The following SND1 variants were observed in gnomAD, a reference collection of about 807,000 sequenced individuals.
The protein encoded by SND1 is staphylococcal nuclease domain-containing protein 1.
In SND1, 38 loss-of-function variants were observed where a neutral mutation model predicts 121.7. That is an observed-to-expected ratio of 0.31 (90% CI 0.24 to 0.41). The LOEUF is 0.41. Among genes scored for constraint, SND1 ranks in the 10% least tolerant of loss-of-function variants. The pLI is 1.00. For missense variants in SND1, 868 were observed against 1,184.6 expected (o/e 0.73, Z 3.92); for synonymous variants, 401 against 447.4 (o/e 0.90, Z 1.31).
At position 127,750,421 on chromosome 7, in the gene SND1, T is replaced by C. The variant is rs149114773; in HGVS notation, c.1152+29021T>C. Among the ~76,000 whole-genome samples, 11 of 152,320 alleles carry C rather than the reference T, an allele frequency of 7.2e-5. No individual in the cohort carries two copies. The East Asian group carries it at 2.1e-3, about 29-fold the overall frequency. ...AATCCTTAGGGATTGAATTCAGAAG[T>C]TTATGAATTTTAGAAAGGTTATATG... On this transcript the variant is annotated intron_variant, in intron 10 of 23. Coordinates refer to ENST00000354725, the MANE Select transcript of SND1 (RefSeq NM_014390.4).
intron 10 of SND1, among the ~76,000 whole-genome samples, chr7:127,778,486 C>T (rs566655400): frequency 1.5e-4 from 23 of 152,284 alleles, no homozygotes; most frequent in South Asian, 6.2e-4. Context: ...CGTGAGCCAC[C>T]GCACTCGGTC....
chr7:127,876,607 A>G (rs1799696100), intron 12 of SND1, among the ~76,000 whole-genome samples: 1 of 152,172 alleles, frequency 6.6e-6, no homozygotes, highest in African/African-American at 2.4e-5. Flanking sequence ...ACAATGATGA[A>G]TCATACAAAT....
At chr7:127,820,364 C>G (rs530074686) in intron 11 of SND1, among the ~76,000 whole-genome samples, 2 of 152,254 alleles carry the variant, frequency 1.3e-5, no homozygotes, top group Admixed American at 1.3e-4. Flanking sequence ...CTAGTTTCTC[C>G]TATTGCTAGT....
At chr7:127,917,222 G>A (rs956112284) in intron 14 of SND1, among the ~76,000 whole-genome samples, 1 of 152,132 alleles carries the variant, frequency 6.6e-6, no homozygotes, top group African/African-American at 2.4e-5. Flanking sequence ...GCCACTGGGT[G>A]GGGTAAGATT....
chr7:128,023,195 A>G (rs1803397350), intron 16 of SND1, among the ~76,000 whole-genome samples: 1 of 152,076 alleles, frequency 6.6e-6, no homozygotes, highest in Admixed American at 6.5e-5. Flanking sequence ...TGCTCCAATT[A>G]TGGTGCTTTT....
intron 12 of SND1, among the ~76,000 whole-genome samples, chr7:127,864,206 C>G (rs995829437): frequency 1.8e-5 from 2 of 112,684 alleles, no homozygotes; most frequent in African/African-American, 6.9e-5. Flanking sequence ...TTAGGTAGCT[C>G]TTTATATGCA....
chr7:127,956,742 G>C (rs144283215), intron 15 of SND1, among the ~76,000 whole-genome samples: 1 of 152,210 alleles, frequency 6.6e-6, no homozygotes, highest in Admixed American at 6.5e-5. Flanking sequence ...TTGATGATAC[G>C]TGTTTACACA....
intron 15 of SND1, among the ~76,000 whole-genome samples, chr7:127,948,272 C>A (rs1214977413): frequency 6.6e-6 from 1 of 152,172 alleles, no homozygotes; most frequent in Non-Finnish European, 1.5e-5. Flanking sequence ...CTCAACCCCC[C>A]ATTGTTAACT....
At chr7:127,791,054 G>A (rs1797901217) in intron 10 of SND1, among the ~76,000 whole-genome samples, 2 of 151,594 alleles carry the variant, frequency 1.3e-5, no homozygotes, top group Admixed American at 6.6e-5. Context: ...TTATATTAAT[G>A]TGGAAATTGA....
In SND1 at chr7:127,937,340, A is replaced by C. The variant is rs560028495; in HGVS notation, c.1669+8011A>C. On this transcript the variant is annotated intron_variant, in intron 15 of 23. Coordinates refer to ENST00000354725, the MANE Select transcript of SND1 (RefSeq NM_014390.4). ...GATCACAGCAGGTGACTTATAATTAACCAGTTACCTATTCATATGAAATAA... is the reference window on the plus strand; with the variant it reads ...GATCACAGCAGGTGACTTATAATTACCCAGTTACCTATTCATATGAAATAA... 4.6e-5 allele frequency among the ~76,000 whole-genome samples: 7 copies of C among 152,288 alleles called. No homozygotes were observed. The South Asian group carries it at 1.5e-3, about 32-fold the overall frequency.
Position 128,085,926 on chromosome 7 carries a change from G to A in SND1, c.2304+146G>A. 1 of 716,130 alleles carries A rather than the reference G, an allele frequency of 1.4e-6. No homozygotes were observed. Among genetic ancestry groups the A allele is most frequent in the Non-Finnish European group, 2.3e-6 (1 of 426,970 alleles). The allele number at this position is 716,130 out of a possible 1,614,324, so 44.4% of individuals were successfully genotyped here. A position where few individuals can be genotyped will look rare whatever the true frequency, so the allele number is the denominator to read the frequency against. ...TCTCTGCTGTGCGTGTAACAGGCCAGGCCCCCTCAGTGACCTGGCAAAACT... is the reference window on the plus strand; with the variant it reads ...TCTCTGCTGTGCGTGTAACAGGCCAAGCCCCCTCAGTGACCTGGCAAAACT... On this transcript the variant is annotated intron_variant, in intron 20 of 23. Coordinates refer to ENST00000354725, the MANE Select transcript of SND1 (RefSeq NM_014390.4). The surrounding 1 kb of genome is among the most constrained non-coding windows in gnomAD (Gnocchi z 4.4).
chr7:127,879,735 G>A (rs1311415178), intron 12 of SND1, among the ~76,000 whole-genome samples: 3 of 152,162 alleles, frequency 2.0e-5, no homozygotes, highest in African/African-American at 7.2e-5. Flanking sequence ...TGTAAAGGGA[G>A]TAGAGGCAGT....
intron 10 of SND1, among the ~76,000 whole-genome samples, chr7:127,750,688 C>T (rs879849617): frequency 2.6e-5 from 4 of 152,036 alleles, no homozygotes; most frequent in Non-Finnish European, 5.9e-5. Context: ...ACATTTCCTT[C>T]GTGTGTCATG....
intron 17 of SND1, among the ~76,000 whole-genome samples, chr7:128,075,450 GCTCAAAA>G (rs1793491624): frequency 6.6e-6 from 1 of 152,168 alleles, no homozygotes; most frequent in Admixed American, 6.5e-5. Flanking sequence ...CAGCCATCTG[GCTCAAAA>G]CTCACTTCCC....
chr7:127,798,223 G>C (rs1798061041), intron 10 of SND1, among the ~76,000 whole-genome samples: 1 of 152,142 alleles, frequency 6.6e-6, no homozygotes, highest in Non-Finnish European at 1.5e-5. Context: ...TGAAACTCTT[G>C]TTCTCCTACT....
intron 15 of SND1, among the ~76,000 whole-genome samples, chr7:127,933,551 T>C (rs1800995494): frequency 6.6e-6 from 1 of 152,186 alleles, no homozygotes; most frequent in South Asian, 2.1e-4. Context: ...ACAAGGTTAT[T>C]TACCCTCTTC....
chr7:127,686,989 A>G (rs964432270), intron 2 of SND1: 8 of 440,796 alleles, frequency 1.8e-5, no homozygotes, highest in South Asian at 8.7e-5. Flanking sequence ...ACCTTTTCCC[A>G]TAGACTTAGA....
chr7:128,085,660 C>A lies in SND1; in HGVS notation c.2235-51C>A. 2 of 1,550,042 alleles carry A rather than the reference C, an allele frequency of 1.3e-6. No homozygotes were observed. The highest frequency in any genetic ancestry group is 1.8e-6 in the Non-Finnish European group (2 of 1,122,936). On this transcript the variant is annotated intron_variant, in intron 19 of 23. Coordinates refer to ENST00000354725, the MANE Select transcript of SND1 (RefSeq NM_014390.4). This position sits in a 1 kb window ranked among gnomAD's most constrained non-coding sequence, Gnocchi z 4.4. The stretch of plus-strand genomic sequence containing the variant: ...CCCGCCATTGCTGAGGCTCTGGGAG[C>A]CCAGAGTCCTCAGGGCTGTCTCTTG...
chr7:127,757,107 C>T (rs1797211027), intron 10 of SND1, among the ~76,000 whole-genome samples: 1 of 152,012 alleles, frequency 6.6e-6, no homozygotes, highest in Non-Finnish European at 1.5e-5. Context: ...TTCCAGATGG[C>T]GTTTTTTATG....
Sources: gnomAD v4.1 joint callset for allele counts (sites outside exome capture counted in the v4.1 genomes callset) on GRCh38, gnomAD v4.1.1 for gene constraint, Gnocchi (gnomAD v3.1) non-coding constraint, MANE v1.5 for transcripts, NCBI Gene and HGNC (gene_info 2026-07-23, HGNC 2026-07-21) for gene names.